Variants in AGMO observed in about 807,000 individuals in gnomAD.
AGMO encodes the protein alkylglycerol monooxygenase.
Under a neutral mutation model 60.2 loss-of-function variants are expected in AGMO, and 75 were observed. The observed-to-expected ratio is 1.25, with a 90% confidence interval of 1.03 to 1.51. The LOEUF is 1.51. Ranked by LOEUF, AGMO falls within the 40% of genes most tolerant of loss-of-function variation. AGMO has a pLI of 0.00. For synonymous variants in AGMO, 261 were observed against 177.1 expected, an observed-to-expected ratio of 1.47 and a Z score of -3.76; for missense variants, 763 against 525.5, an observed-to-expected ratio of 1.45 and a Z score of -4.42.
At chr7:15,525,669 C>T (rs1583645622) in intron 3 of AGMO, among the ~76,000 whole-genome samples, 2 of 152,090 alleles carry the variant, frequency 1.3e-5, no homozygotes, top group South Asian at 4.1e-4. Context: ...ACAAAGAAGA[C>T]GGTAACACCG....
intron 5 of AGMO, among the ~76,000 whole-genome samples, chr7:15,397,452 C>A (rs887388236): frequency 6.6e-6 from 1 of 152,146 alleles, no homozygotes. Flanking sequence ...GAGGGCCCCC[C>A]ACAGCGCAGC....
At chr7:15,181,758 T>C in the AGMO span, among the ~76,000 whole-genome samples, 173 of 152,314 alleles carry the variant, frequency 1.1e-3, 1 homozygote, top group African/African-American at 3.9e-3. Flanking sequence ...TATATAGTTT[T>C]AGTATGTACA....
chr7:15,267,891 C>A (rs1783480828), intron 12 of AGMO, among the ~76,000 whole-genome samples: 1 of 151,900 alleles, frequency 6.6e-6, no homozygotes, highest in African/African-American at 2.4e-5. Context: ...TTTATAACAA[C>A]TCCGAGTAAT....
At chr7:15,287,115 T>G (rs745702145) in intron 12 of AGMO, among the ~76,000 whole-genome samples, 6 of 152,106 alleles carry the variant, frequency 3.9e-5, no homozygotes, top group Non-Finnish European at 7.4e-5. Flanking sequence ...AACTACATAC[T>G]GGGTACGATA....
chr7:15,548,466 C>T (rs1304902336), intron 2 of AGMO, among the ~76,000 whole-genome samples: 1 of 151,640 alleles, frequency 6.6e-6, no homozygotes, highest in African/African-American at 2.4e-5. Context: ...CAGAGAAGTG[C>T]TTAAAGGAGC....
At chr7:15,223,324 A>G (rs1028201708) in intron 12 of AGMO, among the ~76,000 whole-genome samples, 1 of 151,986 alleles carries the variant, frequency 6.6e-6, no homozygotes, top group African/African-American at 2.4e-5. Context: ...GACAACTAGC[A>G]GGTACAATTT....
At chr7:15,534,191 AT>A (rs770853371) in intron 3 of AGMO, among the ~76,000 whole-genome samples, 70 of 152,054 alleles carry the variant, frequency 4.6e-4, no homozygotes, top group Non-Finnish European at 5.3e-4. Context: ...AGACATTTCA[AT>A]CTCTTAGCTG....
At chr7:15,188,148 C>G in the AGMO span, among the ~76,000 whole-genome samples, 2 of 152,104 alleles carry the variant, frequency 1.3e-5, no homozygotes, top group African/African-American at 4.8e-5. Flanking sequence ...CGAAGAAGGG[C>G]GCAAACTTCA....
At chr7:15,428,094 T>C in intron 4 of AGMO, among the ~76,000 whole-genome samples, 1 of 147,734 alleles carries the variant, frequency 6.8e-6, no homozygotes, top group Non-Finnish European at 1.5e-5. Context: ...AAATACATTG[T>C]TACCTTGGTA....
At chr7:15,485,305 A>T (rs1435275971) in intron 3 of AGMO, among the ~76,000 whole-genome samples, 1 of 152,094 alleles carries the variant, frequency 6.6e-6, no homozygotes. Context: ...AGACAGGGCA[A>T]GATTCTGTTT....
intron 2 of AGMO, among the ~76,000 whole-genome samples, chr7:15,557,467 G>A (rs891791637): frequency 7.2e-5 from 11 of 151,946 alleles, no homozygotes; most frequent in African/African-American, 2.7e-4. Context: ...TCCCCTTGAT[G>A]CTGTGGCTTC....
chr7:15,291,252 C>G (rs190746540), intron 12 of AGMO, among the ~76,000 whole-genome samples: 49 of 152,194 alleles, frequency 3.2e-4, no homozygotes, highest in African/African-American at 1.2e-3. Flanking sequence ...TAAATATTAA[C>G]TCACACATAC....
At chr7:15,267,962 ATTTC>A (rs1049671679) in intron 12 of AGMO, among the ~76,000 whole-genome samples, 42 of 152,108 alleles carry the variant, frequency 2.8e-4, no homozygotes, top group African/African-American at 9.9e-4. Flanking sequence ...TCTAAATTAA[ATTTC>A]TTTGTTATCC....
chr7:15,349,304 C>A (rs1782147882), intron 12 of AGMO, among the ~76,000 whole-genome samples: 1 of 152,132 alleles, frequency 6.6e-6, no homozygotes, highest in South Asian at 2.1e-4. Context: ...GATCTGAGTT[C>A]ATTTTAACTT....
intron 5 of AGMO, among the ~76,000 whole-genome samples, chr7:15,398,979 T>C (rs1380424650): frequency 6.6e-6 from 1 of 152,172 alleles, no homozygotes; most frequent in African/African-American, 2.4e-5. Flanking sequence ...TAATTTAAAC[T>C]TTTACAACTT....
intron 5 of AGMO, among the ~76,000 whole-genome samples, chr7:15,411,616 G>A (rs1328163618): frequency 1.3e-5 from 2 of 151,326 alleles, no homozygotes; most frequent in Non-Finnish European, 2.9e-5. Flanking sequence ...AAATCTCCCA[G>A]GCAACATATT....
intron 12 of AGMO, among the ~76,000 whole-genome samples, chr7:15,224,512 G>A (rs1375348503): frequency 1.3e-5 from 2 of 151,860 alleles, no homozygotes; most frequent in Admixed American, 6.6e-5. Flanking sequence ...AACTGGATGT[G>A]CTGGCACCTG....
intron 12 of AGMO, among the ~76,000 whole-genome samples, chr7:15,360,467 A>G (rs1480764021): frequency 6.6e-5 from 10 of 152,246 alleles, no homozygotes; most frequent in African/African-American, 2.4e-4. Context: ...AATGTATGAT[A>G]CACTGTATTC....
the AGMO span, among the ~76,000 whole-genome samples, chr7:15,133,873 T>C: frequency 6.6e-6 from 1 of 152,208 alleles, no homozygotes; most frequent in African/African-American, 2.4e-5. Flanking sequence ...ATGCCGTGGA[T>C]CTGAAACTGA....
Sources: allele counts gnomAD v4.1 joint callset (sites outside exome capture counted in the v4.1 genomes callset), GRCh38; gene constraint gnomAD v4.1.1; transcripts MANE v1.5; gene names NCBI Gene and HGNC (gene_info 2026-07-23, HGNC 2026-07-21).